Variants in STPG2 observed in about 807,000 individuals in gnomAD.
STPG2 encodes sperm-tail PG-rich repeat-containing protein 2.
STPG2 carries 56 observed loss-of-function variants against 54.2 expected under a neutral mutation model. The observed-to-expected ratio is 1.03, with a 90% CI of 0.83 to 1.29. The LOEUF (loss-of-function observed/expected upper bound fraction) is 1.29, where lower values mean the gene tolerates loss of function less well. Ranked by LOEUF, STPG2 falls within the 50% of genes most tolerant of loss-of-function variation. The pLI, the probability that STPG2 is intolerant of heterozygous loss-of-function variation, is 0.00. For missense variants in STPG2, 596 were observed against 544.9 expected (o/e 1.09, Z -0.93); for synonymous variants, 200 against 181.8 (o/e 1.10, Z -0.81).
At chr4:97,856,031 A>C (rs1729323422) in intron 8 of STPG2, among the ~76,000 whole-genome samples, 1 of 151,770 alleles carries the variant, frequency 6.6e-6, no homozygotes, top group African/African-American at 2.4e-5. Flanking sequence ...CTGTGTGTCC[A>C]TTTTTTGTAT....
At chr4:97,816,762 C>A (rs1342257106) in intron 9 of STPG2, among the ~76,000 whole-genome samples, 3 of 149,418 alleles carry the variant, frequency 2.0e-5, no homozygotes, top group Non-Finnish European at 3.0e-5. Flanking sequence ...CTTTCTTTTT[C>A]TTTTCTTTTC....
chr4:97,927,541 T>C (rs938275037), intron 8 of STPG2, among the ~76,000 whole-genome samples: 3 of 152,108 alleles, frequency 2.0e-5, no homozygotes, highest in Non-Finnish European at 4.4e-5. Context: ...AGTGATTACA[T>C]TTTTTAAAAA....
At chr4:98,069,790 A>ACCAC (rs1340937178) in intron 5 of STPG2, among the ~76,000 whole-genome samples, 1 of 152,066 alleles carries the variant, frequency 6.6e-6, no homozygotes, top group African/African-American at 2.4e-5. Context: ...ATATAGAGAC[A>ACCAC]CCACCTCCAC....
At chr4:97,638,326 C>G (rs1317164325) in intron 10 of STPG2, among the ~76,000 whole-genome samples, 3 of 152,078 alleles carry the variant, frequency 2.0e-5, no homozygotes, top group African/African-American at 7.2e-5. Flanking sequence ...TTCCTTACAC[C>G]TTATACAAAA....
At chr4:97,817,785 T>A (rs1727959744) in intron 9 of STPG2, among the ~76,000 whole-genome samples, 1 of 151,998 alleles carries the variant, frequency 6.6e-6, no homozygotes, top group Admixed American at 6.6e-5. Context: ...CAAGCCTATT[T>A]AAAATTTTCT....
At chr4:97,856,481 G>A (rs183827164) in intron 8 of STPG2, among the ~76,000 whole-genome samples, 1 of 152,284 alleles carries the variant, frequency 6.6e-6, no homozygotes, top group Non-Finnish European at 1.5e-5. Context: ...TGGTGTATAG[G>A]AATGCTGGCA....
chr4:98,134,682 C>G (rs1332924476), intron 1 of STPG2, among the ~76,000 whole-genome samples: 2 of 148,398 alleles, frequency 1.3e-5, no homozygotes, highest in South Asian at 4.3e-4. Context: ...ACTTATTGAA[C>G]AACAACAAAA....
chr4:97,539,769 C>T lies in STPG2; in HGVS notation c.462+172930G>A, dbSNP rs181129341. Among the ~76,000 whole-genome samples the T allele has an allele frequency of 3.5e-3, 525 of 152,130 alleles. 4 individuals carry two copies. Among genetic ancestry groups the T allele is most frequent in the African/African-American group, 0.012 (484 of 41,522 alleles). The stretch of plus-strand genomic sequence containing the variant: ...ATATACATTCTTCTCAGCACCACAC[C>T]GCACCTATTCTCAGACCAAAGTGCA... On this transcript the variant is annotated intron_variant, in intron 4 of 4. Coordinates refer to the STPG2 transcript ENST00000522676.
At chr4:97,630,057 T>C (rs865872537) in intron 10 of STPG2, among the ~76,000 whole-genome samples, 15 of 151,968 alleles carry the variant, frequency 9.9e-5, no homozygotes, top group African/African-American at 3.4e-4. Flanking sequence ...TTATAATCCA[T>C]ATAAATATGT....
At chr4:97,902,278 C>A (rs1731207140) in intron 8 of STPG2, among the ~76,000 whole-genome samples, 1 of 151,980 alleles carries the variant, frequency 6.6e-6, no homozygotes, top group Non-Finnish European at 1.5e-5. Context: ...TAAGCACAGG[C>A]AACAAAAGCA....
In STPG2 at chr4:98,015,767, T is replaced by C. The variant is rs1217092826; in HGVS notation, c.613-34449A>G. On this transcript the variant is annotated intron_variant, in intron 5 of 10. Transcript: ENST00000295268. ...AAAGACACATGCACACATATGTTTA[T>C]TGCGGCATTGTTCACAATAGCAAAG... Among the ~76,000 whole-genome samples the C allele has an allele frequency of 2.6e-5, 4 of 152,154 alleles. No homozygotes were observed. The East Asian group carries it at 7.7e-4, about 29-fold the overall frequency.
intron 10 of STPG2, among the ~76,000 whole-genome samples, chr4:97,686,952 T>TGAGAGA (rs879693888): frequency 6.8e-6 from 1 of 148,044 alleles, no homozygotes; most frequent in Non-Finnish European, 1.5e-5. Context: ...TTTTTTTTTT[T>TGAGAGA]GAGAGAGAGA....
At chr4:97,626,085 AATTTACATGAAATCCC>A (rs1473003208) in intron 10 of STPG2, among the ~76,000 whole-genome samples, 8 of 152,188 alleles carry the variant, frequency 5.3e-5, no homozygotes, top group African/African-American at 9.7e-5. Flanking sequence ...TCAAGTACAC[AATTTACATGAAATCCC>A]ATAAATGTTA....
intron 10 of STPG2, among the ~76,000 whole-genome samples, chr4:97,683,519 A>G (rs1283763726): frequency 6.6e-6 from 1 of 151,838 alleles, no homozygotes; most frequent in Non-Finnish European, 1.5e-5. Context: ...CAGGAAAAAA[A>G]TCATATGATC....
chr4:97,961,652 A>G (rs908953314), intron 7 of STPG2, among the ~76,000 whole-genome samples: 40 of 152,296 alleles, frequency 2.6e-4, no homozygotes, highest in Non-Finnish European at 4.7e-4. Flanking sequence ...CAAAACTACA[A>G]TGTGATACCA....
chr4:97,864,780 T>C (rs1729699477), intron 8 of STPG2, among the ~76,000 whole-genome samples: 1 of 151,966 alleles, frequency 6.6e-6, no homozygotes, highest in African/African-American at 2.4e-5. Context: ...CCCTCAGAAG[T>C]AATACCACAC....
chr4:97,447,331 G>A (rs1339273136), intron 4 of STPG2, among the ~76,000 whole-genome samples: 1 of 152,222 alleles, frequency 6.6e-6, no homozygotes, highest in African/African-American at 2.4e-5. Flanking sequence ...TTTCTGGGGA[G>A]AAATTCAAGC....
intron 10 of STPG2, among the ~76,000 whole-genome samples, chr4:97,658,158 T>G (rs1379882797): frequency 1.3e-5 from 2 of 152,210 alleles, no homozygotes; most frequent in Non-Finnish European, 2.9e-5. Flanking sequence ...ATATTTCAAG[T>G]GATAAAGAAA....
At chr4:97,938,568 G>A (rs1430346799) in intron 8 of STPG2, among the ~76,000 whole-genome samples, 1 of 152,214 alleles carries the variant, frequency 6.6e-6, no homozygotes, top group South Asian at 2.1e-4. Flanking sequence ...CAGCTCTGTG[G>A]TTGTGACCTA....
Sources: gnomAD v4.1 joint callset for allele counts (sites outside exome capture counted in the v4.1 genomes callset) on GRCh38, gnomAD v4.1.1 for gene constraint, MANE v1.5 for transcripts, NCBI Gene and HGNC (gene_info 2026-07-23, HGNC 2026-07-21) for gene names.